Variants in SNX29 observed in about 807,000 individuals in gnomAD.
The protein encoded by SNX29 is sorting nexin 29, also known as sorting nexin-29.
SNX29 carries 78 observed loss-of-function variants against 102.1 expected under a neutral mutation model. The ratio of observed to expected loss-of-function variants is 0.76; its 90% confidence interval spans 0.64 to 0.92. The LOEUF (loss-of-function observed/expected upper bound fraction) is 0.92. Ranked by LOEUF, SNX29 falls within the 40% of genes least tolerant of loss-of-function variation. The probability of loss-of-function intolerance (pLI) is 0.00; values close to 1 mark genes in which losing one functional copy is unlikely to be tolerated. For synonymous variants in SNX29, 580 were observed against 414.5 expected (o/e 1.40, Z -4.85); for missense variants, 1,280 against 1,061.7 (o/e 1.21, Z -2.86).
rs112723702 is a variant in SNX29, at chr16:12,271,626, CTTT to C, written c.1679-6295_1679-6293del. Among the ~76,000 whole-genome samples the C allele has an allele frequency of 5.2e-3, 751 of 144,682 alleles. 5 individuals carry two copies. Among genetic ancestry groups the C allele is most frequent in the African/African-American group, 0.018 (715 of 39,754 alleles). The allele number at this position is 144,682 out of a possible 152,430, so 94.9% of individuals were successfully genotyped here. On this transcript the variant is annotated intron_variant, in intron 14 of 20. Transcript: ENST00000566228. ...GTTGAATGTAATATATTGGAACCAT[CTTT>C]TTTTTTTTTTTGAGACAGAGTCCCA...
At chr16:12,145,698 G>A (rs1342428100) in intron 13 of SNX29, among the ~76,000 whole-genome samples, 1 of 152,060 alleles carries the variant, frequency 6.6e-6, no homozygotes, top group African/African-American at 2.4e-5. Flanking sequence ...TAAATTGAGG[G>A]TCTACTTTGA....
At chr16:12,505,838 G>C (rs918900239) in intron 19 of SNX29, among the ~76,000 whole-genome samples, 2 of 150,450 alleles carry the variant, frequency 1.3e-5, no homozygotes, top group African/African-American at 2.4e-5. Context: ...AATTTGAGGA[G>C]TATCAGCATC....
At chr16:12,437,612 C>A (rs1191046526) in intron 18 of SNX29, among the ~76,000 whole-genome samples, 1 of 152,172 alleles carries the variant, frequency 6.6e-6, no homozygotes, top group African/African-American at 2.4e-5. Context: ...TGAGTCCTTT[C>A]CCCTCTTGAC....
At chr16:12,391,083 CT>C (rs988647160) in intron 16 of SNX29, among the ~76,000 whole-genome samples, 5 of 152,002 alleles carry the variant, frequency 3.3e-5, no homozygotes, top group Admixed American at 1.3e-4. Context: ...GTAGTTGGGA[CT>C]ATAGGAGCAT....
Position 12,568,661 on chromosome 16 carries a change from C to G in SNX29, c.*32C>G, listed in dbSNP as rs377123054. On this transcript the variant is annotated 3_prime_UTR_variant, in exon 21 of 21. Transcript: ENST00000566228. ...CAAAACCGCAGCCACGGGCCCTGTG[C>G]GTGGCACCAGCTGCGTCCACCCCAG... 3.1e-6 allele frequency: 5 copies of G among 1,596,332 alleles called. No homozygotes were observed. In the East Asian group the frequency reaches 6.7e-5, roughly 21 times the overall value.
intron 18 of SNX29, among the ~76,000 whole-genome samples, chr16:12,425,240 C>G (rs967273630): frequency 5.3e-5 from 8 of 152,086 alleles, no homozygotes; most frequent in African/African-American, 1.9e-4. Flanking sequence ...AGTGAGGGGT[C>G]AGGAGAGAGC....
chr16:12,434,022 A>C (rs2085425338), intron 18 of SNX29, among the ~76,000 whole-genome samples: 1 of 152,020 alleles, frequency 6.6e-6, no homozygotes, highest in Admixed American at 6.6e-5. Context: ...ATCCTTCTTA[A>C]AACCTCCCAT....
chr16:12,478,397 T>TTTG (rs942628114), intron 19 of SNX29, among the ~76,000 whole-genome samples: 1 of 151,826 alleles, frequency 6.6e-6, no homozygotes, highest in Non-Finnish European at 1.5e-5. Flanking sequence ...CTCAGAGGAG[T>TTTG]TTGTTGTTGT....
chr16:12,465,334 G>A (rs2087002340), intron 18 of SNX29, among the ~76,000 whole-genome samples: 1 of 152,176 alleles, frequency 6.6e-6, no homozygotes, highest in African/African-American at 2.4e-5. Context: ...TCTTCTTCTA[G>A]GAGTTTTACA....
At chr16:12,239,428 G>C (rs1283878161) in intron 14 of SNX29, among the ~76,000 whole-genome samples, 1 of 152,018 alleles carries the variant, frequency 6.6e-6, no homozygotes, top group African/African-American at 2.4e-5. Context: ...TTGAGGACAG[G>C]AGTATTTACT....
intron 18 of SNX29, among the ~76,000 whole-genome samples, chr16:12,419,943 C>T (rs575925718): frequency 3.3e-5 from 5 of 152,342 alleles, no homozygotes; most frequent in South Asian, 2.1e-4. Context: ...AATCAGCCCA[C>T]GTCCACTGAA....
In SNX29 at chr16:12,572,947, A is replaced by T. The variant is rs1237697202; in HGVS notation, c.*4318A>T. On this transcript the variant is annotated 3_prime_UTR_variant, in exon 21 of 21. Transcript: ENST00000566228. Reference sequence around the variant, plus strand: ...GTTTCTTCAAGGCAGGCATCTGCTTATGAGCAAGGTCAAAGATTTTTCAAA... The same window carrying T: ...GTTTCTTCAAGGCAGGCATCTGCTTTTGAGCAAGGTCAAAGATTTTTCAAA... 2 of 697,898 alleles carry T rather than the reference A, an allele frequency of 2.9e-6. No individual in the cohort carries two copies. Among genetic ancestry groups the T allele is most frequent in the African/African-American group, 3.7e-5 (2 of 53,518 alleles). The allele number at this position is 697,898 out of a possible 1,614,324, so 43.2% of individuals were successfully genotyped here.
intron 20 of SNX29, among the ~76,000 whole-genome samples, chr16:12,550,219 C>G (rs571980686): frequency 1.3e-5 from 2 of 152,314 alleles, no homozygotes; most frequent in East Asian, 3.9e-4. Context: ...AAGAGTACCA[C>G]ACAATACCTT....
At chr16:12,208,878 T>G (rs1373088012) in intron 14 of SNX29, among the ~76,000 whole-genome samples, 1 of 151,728 alleles carries the variant, frequency 6.6e-6, no homozygotes. Context: ...CACTTGTTAC[T>G]CGTTTATTTC....
intron 11 of SNX29, among the ~76,000 whole-genome samples, chr16:12,104,540 A>G (rs1353787299): frequency 6.6e-6 from 1 of 152,038 alleles, no homozygotes; most frequent in Non-Finnish European, 1.5e-5. Context: ...TGGGTGACAG[A>G]GCGAGACTCC....
intron 19 of SNX29, among the ~76,000 whole-genome samples, chr16:12,494,062 T>A (rs1445809412): frequency 6.6e-6 from 1 of 152,250 alleles, no homozygotes; most frequent in Non-Finnish European, 1.5e-5. Flanking sequence ...TTATGTTTTC[T>A]GGATGCCATC....
At position 12,531,685 on chromosome 16, in the gene SNX29, C is replaced by T. The variant is rs538827186; in HGVS notation, c.2318+6844C>T. 5.9e-5 allele frequency among the ~76,000 whole-genome samples: 9 copies of T among 152,188 alleles called. No individual in the cohort carries two copies. The South Asian group carries it at 1.2e-3, about 21-fold the overall frequency. ...AGTTTTGAGGCTGAATATCTGGGTG[C>T]AGAGAGGTCAAGGGGACAAGGAGGG... On this transcript the variant is annotated intron_variant, in intron 20 of 20. Transcript: ENST00000566228.
At chr16:12,204,567 A>T (rs1458402910) in intron 14 of SNX29, among the ~76,000 whole-genome samples, 1 of 152,218 alleles carries the variant, frequency 6.6e-6, no homozygotes, top group Admixed American at 6.5e-5. Flanking sequence ...ATTAATCTGC[A>T]GTCAGCCCAG....
chr16:12,543,360 C>T (rs1204791851), intron 20 of SNX29, among the ~76,000 whole-genome samples: 2 of 152,160 alleles, frequency 1.3e-5, no homozygotes, highest in East Asian at 1.9e-4. Flanking sequence ...TTCAGCCCAC[C>T]TAAGCTCATG....
Sources: allele counts gnomAD v4.1 joint callset (sites outside exome capture counted in the v4.1 genomes callset), GRCh38; gene constraint gnomAD v4.1.1; transcripts MANE v1.5; gene names NCBI Gene and HGNC (gene_info 2026-07-23, HGNC 2026-07-21).